The following VAV3 variants were observed in gnomAD, a reference collection of about 807,000 sequenced individuals.
VAV3 encodes the protein vav guanine nucleotide exchange factor 3.
A neutral mutation model predicts 131.2 loss-of-function variants in VAV3; 94 were observed. The observed-to-expected ratio is 0.72, with a 90% CI of 0.61 to 0.85. The LOEUF (loss-of-function observed/expected upper bound fraction) is 0.85, where lower values mean the gene tolerates loss of function less well. VAV3 is among the 40% of genes least tolerant of loss of function. VAV3 has a pLI of 0.00. For synonymous variants in VAV3, 349 were observed against 342.0 expected (o/e 1.02, Z -0.22); for missense variants, 939 against 1,002.7 (o/e 0.94, Z 0.86).
chr1:107,779,372 T>A, intron 3 of VAV3, 62 bp downstream of exon 3: 1 of 1,439,574 alleles, frequency 6.9e-7, no homozygotes, highest in Non-Finnish European at 9.4e-7. Flanking sequence ...ATAGTAACCA[T>A]TTAATAAAGA....
chr1:107,891,311 C>A (rs1404240298), intron 1 of VAV3, among the ~76,000 whole-genome samples: 1 of 152,186 alleles, frequency 6.6e-6, no homozygotes, highest in Non-Finnish European at 1.5e-5. Flanking sequence ...GATGTTATAT[C>A]ATTTTAATCA....
At chr1:107,865,943 G>C (rs890704827) in intron 2 of VAV3, among the ~76,000 whole-genome samples, 57 of 152,154 alleles carry the variant, frequency 3.7e-4, no homozygotes, top group African/African-American at 1.4e-3. Context: ...CAGAGTATGA[G>C]TTTCCAGGGG....
intron 15 of VAV3, among the ~76,000 whole-genome samples, chr1:107,744,953 A>G (rs976110589): frequency 9.9e-5 from 15 of 152,222 alleles, no homozygotes; most frequent in Admixed American, 8.5e-4. Context: ...CCTGAGCTAC[A>G]AAACGGGTAT....
chr1:107,753,549 T>TATATATACACACAC (rs771773884), intron 12 of VAV3, among the ~76,000 whole-genome samples: 2 of 82,064 alleles, frequency 2.4e-5, no homozygotes, highest in East Asian at 3.8e-4. Flanking sequence ...TATATATATA[T>TATATATACACACAC]ACACACACAC....
intron 1 of VAV3, among the ~76,000 whole-genome samples, chr1:107,890,536 T>C (rs561594745): frequency 6.6e-5 from 10 of 152,276 alleles, no homozygotes; most frequent in Middle Eastern, 6.8e-3. Context: ...TACACACTAT[T>C]TCTGTCTGGG....
rs534234315 is a variant in VAV3, at chr1:107,805,795, T to C, written c.322-26303A>G. 2.0e-5 allele frequency among the ~76,000 whole-genome samples: 3 copies of C among 152,296 alleles called. No homozygotes were observed. In the East Asian group the frequency reaches 5.8e-4, roughly 29 times the overall value. On this transcript the variant is annotated intron_variant, in intron 2 of 26. Coordinates refer to ENST00000370056, the MANE Select transcript of VAV3 (RefSeq NM_006113.5). ...GTTTTTTGTTGGGTATGTTTGCTTATAGATTCTTTGTAATTTACCTGTTAC... is the reference window on the plus strand; with the variant it reads ...GTTTTTTGTTGGGTATGTTTGCTTACAGATTCTTTGTAATTTACCTGTTAC...
chr1:107,943,545 C>T (rs996341943), intron 1 of VAV3, among the ~76,000 whole-genome samples: 7 of 152,150 alleles, frequency 4.6e-5, no homozygotes, highest in African/African-American at 1.7e-4. Flanking sequence ...GAGATCGAGA[C>T]CATCTGGCCA....
chr1:107,770,400 G>A (rs1395688897), intron 6 of VAV3, among the ~76,000 whole-genome samples: 1 of 151,990 alleles, frequency 6.6e-6, no homozygotes, highest in African/African-American at 2.4e-5. Context: ...AGTGTCATGA[G>A]AATCAGAATA....
At chr1:107,700,648 C>T (rs1262367904) in intron 17 of VAV3, among the ~76,000 whole-genome samples, 9 of 152,286 alleles carry the variant, frequency 5.9e-5, no homozygotes, top group South Asian at 4.2e-4. Flanking sequence ...CTCTTTATGT[C>T]GGCATGGTAT....
chr1:107,905,419 A>T (rs1672056039), intron 1 of VAV3, among the ~76,000 whole-genome samples: 1 of 152,158 alleles, frequency 6.6e-6, no homozygotes, highest in African/African-American at 2.4e-5. Flanking sequence ...ATCTGACCAA[A>T]TTGGAAATCT....
intron 1 of VAV3, among the ~76,000 whole-genome samples, chr1:107,920,355 T>C (rs954073524): frequency 2.6e-5 from 4 of 152,196 alleles, no homozygotes; most frequent in African/African-American, 9.7e-5. Flanking sequence ...GGCCATCCAC[T>C]AATGAAACTT....
rs1041645357 is a variant in VAV3 at position 107,736,554 on chromosome 1, T to C, written c.1502+12414A>G. On this transcript the variant is annotated intron_variant, in intron 15 of 26. Transcript: ENST00000370056. ...TGTGCAAAAATCACAAGCATTCCTATACACCAATTACAGACAGAGAGCCAA... is the reference window on the plus strand; with the variant it reads ...TGTGCAAAAATCACAAGCATTCCTACACACCAATTACAGACAGAGAGCCAA... Among the ~76,000 whole-genome samples, 46 of 152,260 alleles carry C rather than the reference T, an allele frequency of 3.0e-4. No individual in the cohort carries two copies. The Middle Eastern group carries it at 0.01, about 34-fold the overall frequency.
In VAV3 at chr1:107,785,546, C is replaced by T. The variant is rs370303613; in HGVS notation, c.322-6054G>A. ...GCTTGGGGGTTCAAGAAGGGGTCCA[C>T]GGCATCACACCCCTACAACATTAGG... On this transcript the variant is annotated intron_variant, in intron 2 of 26. Coordinates refer to ENST00000370056, the MANE Select transcript of VAV3 (RefSeq NM_006113.5). The T allele has an allele frequency of 4.6e-5, 58 of 1,263,436 alleles. 1 individual carries two copies. Among genetic ancestry groups the T allele is most frequent in the South Asian group, 1.7e-4 (12 of 70,546 alleles). 78.3% of individuals were successfully genotyped at this position (1,263,436 alleles called of 1,614,324 possible). A position where few individuals can be genotyped will look rare whatever the true frequency, so the allele number is the denominator to read the frequency against.
At chr1:107,769,489 G>C (rs1326068892) in intron 6 of VAV3, among the ~76,000 whole-genome samples, 5 of 151,210 alleles carry the variant, frequency 3.3e-5, no homozygotes, top group South Asian at 2.1e-4. Context: ...CTCTAAATGT[G>C]AGAGTCTGGA....
intron 2 of VAV3, among the ~76,000 whole-genome samples, chr1:107,821,506 C>G (rs1667788446): frequency 6.6e-6 from 1 of 152,176 alleles, no homozygotes. Flanking sequence ...AGGGGCCAGT[C>G]ATGTGAAGAT....
chr1:107,733,158 G>A (rs1284231485), intron 15 of VAV3, among the ~76,000 whole-genome samples: 2 of 152,150 alleles, frequency 1.3e-5, no homozygotes, highest in Non-Finnish European at 1.5e-5. Flanking sequence ...GACTGTTAGA[G>A]GGAAAACTAA....
At chr1:107,871,312 C>A (rs574181616) in intron 2 of VAV3, among the ~76,000 whole-genome samples, 23 of 151,760 alleles carry the variant, frequency 1.5e-4, no homozygotes, top group African/African-American at 5.6e-4. Context: ...AAAACATAAA[C>A]CCTCAACGTC....
rs1671890543 is a variant in VAV3, at chr1:107,902,111, A to G, written c.205-27094T>C. 3.9e-5 allele frequency among the ~76,000 whole-genome samples: 6 copies of G among 152,270 alleles called. No individual in the cohort carries two copies. In the South Asian group the frequency reaches 1.2e-3, roughly 32 times the overall value. On this transcript the variant is annotated intron_variant, in intron 1 of 26. Coordinates refer to ENST00000370056, the MANE Select transcript of VAV3 (RefSeq NM_006113.5). ...TTTGGCCTGCAAAATAAAAAAATAA[A>G]AAAAAATTCAGAGAAATATTAAGCA...
chr1:107,888,387 C>T (rs1275401799), intron 1 of VAV3, among the ~76,000 whole-genome samples: 1 of 152,200 alleles, frequency 6.6e-6, no homozygotes, highest in Non-Finnish European at 1.5e-5. Flanking sequence ...CTTTCCCCAA[C>T]TACAAAGGAG....
Sources: allele counts gnomAD v4.1 joint callset (sites outside exome capture counted in the v4.1 genomes callset), GRCh38; gene constraint gnomAD v4.1.1; transcripts MANE v1.5; gene names NCBI Gene and HGNC (gene_info 2026-07-23, HGNC 2026-07-21).